Variants in CFD observed in about 807,000 individuals in gnomAD.
The protein encoded by CFD is complement factor D.
In CFD, 24 loss-of-function variants were observed where a neutral mutation model predicts 21.1. That is an observed-to-expected ratio of 1.14 (90% CI 0.82 to 1.60). CFD has a LOEUF of 1.60. Among genes scored for constraint, CFD ranks in the 40% most tolerant of loss-of-function variants. CFD has a pLI of 0.00. For synonymous variants in CFD, 242 were observed against 175.9 expected, an observed-to-expected ratio of 1.38 and a Z score of -2.97; for missense variants, 535 against 383.3, an observed-to-expected ratio of 1.40 and a Z score of -3.31.
intron 3 of CFD, 33 bp from the exon 4 acceptor site, chr19:861,666 C>A (rs2035795692): frequency 6.3e-7 from 1 of 1,577,450 alleles, no homozygotes; most frequent in Non-Finnish European, 8.6e-7. Context: ...CGCACCCCCG[C>A]ACCCCAACCC....
In CFD at chr19:863,103, G is replaced by T; in HGVS notation, c.627G>T (p.Gly209=). The part of the protein sequence containing the change: ...NRRDSCKGDS[G]GPLVCGGVLE... Reference sequence around the variant, plus strand: ...TCCTGTTCCGGCAGGGTGACTCCGGGGGCCCGCTGGTGTGCGGGGGCGTGC... The same window carrying T: ...TCCTGTTCCGGCAGGGTGACTCCGGTGGCCCGCTGGTGTGCGGGGGCGTGC... The change falls in exon 5 of 5, where the codon GGG becomes GGT. Residue 209 remains glycine, a synonymous_variant. Coordinates refer to ENST00000327726, the MANE Select transcript of CFD (RefSeq NM_001928.4). 6.6e-7 allele frequency: 1 copy of T among 1,525,288 alleles called. No individual in the cohort carries two copies. Among genetic ancestry groups the T allele is most frequent in the Non-Finnish European group, 8.8e-7 (1 of 1,138,392 alleles). 94.5% of individuals were successfully genotyped at this position (1,525,288 alleles called of 1,614,324 possible).
At chr19:859,828 C>A in intron 1 of CFD, 84 bp downstream of exon 1, 2 of 1,080,870 alleles carry the variant, frequency 1.9e-6, no homozygotes, top group Admixed American at 2.0e-5. Context: ...GTCCTCCAGC[C>A]CCTCCAGGTG....
In CFD at chr19:862,042, G is replaced by A. The variant is rs552334736; in HGVS notation, c.615+86G>A. The A allele has an allele frequency of 9.0e-5, 133 of 1,485,346 alleles. 2 individuals are homozygous for A. In the South Asian group the frequency reaches 1.4e-3, roughly 16 times the overall value. The allele number at this position is 1,485,346 out of a possible 1,614,324, so 92.0% of individuals were successfully genotyped here. A position where few individuals can be genotyped will look rare whatever the true frequency, so the allele number is the denominator to read the frequency against. ...GGGAGCGCGAAGCGGGGGGCAAGTA[G>A]GAACAGGGCCCAGGGAAGGGGCGGG... On this transcript the variant is annotated intron_variant, in intron 4 of 4. Coordinates refer to ENST00000327726, the MANE Select transcript of CFD (RefSeq NM_001928.4).
Position 859,706 on chromosome 19 carries a change from G to T in CFD, c.17G>T (p.Arg6Leu). ...GGCTTCACCATGCACAGCTGGGAGC[G>T]CCTGGCAGTTCTGGTCCTCCTAGGA... is the stretch of plus-strand genomic sequence containing the variant. MHSWE[R>L]LAVLVLLGAA... The change falls in exon 1 of 5, where the codon CGC (arginine) becomes CTC (leucine). Residue 6 changes from arginine to leucine, a missense_variant. Physicochemically the swap from Arg to Leu is moderately radical, Grantham distance 102. Coordinates refer to ENST00000327726, the MANE Select transcript of CFD (RefSeq NM_001928.4). 1 of 1,573,244 alleles carries T rather than the reference G, an allele frequency of 6.4e-7. No individual in the cohort carries two copies.
intron 4 of CFD, among the ~76,000 whole-genome samples, chr19:862,346 C>T (rs1247461664): frequency 1.7e-4 from 12 of 68,596 alleles, no homozygotes; most frequent in African/African-American, 6.1e-4. Context: ...TGCAAGGGGG[C>T]GAGGCCAGGA....
At position 862,405 on chromosome 19, in the gene CFD, G is replaced by A. The variant is rs1247041540; in HGVS notation, c.615+449G>A. 1.5e-4 allele frequency among the ~76,000 whole-genome samples: 21 copies of A among 137,758 alleles called. No homozygotes were observed. In the South Asian group the frequency reaches 5.2e-3, roughly 34 times the overall value. The allele number at this position is 137,758 out of a possible 152,430, so 90.4% of individuals were successfully genotyped here. On this transcript the variant is annotated intron_variant, in intron 4 of 4. Transcript: ENST00000327726. ...GGGCATGGAGGAAGGGGCGGTACCT[G>A]TGGGGAGGGTGGGGCTGGAGAAGGG...
chr19:861,596 G>T, intron 3 of CFD, 103 bp from the exon 4 acceptor site: 2 of 1,406,494 alleles, frequency 1.4e-6, no homozygotes, highest in Admixed American at 2.0e-5. Flanking sequence ...CCACGCCCCT[G>T]CCCTGATGCC....
At position 861,801 on chromosome 19, in the gene CFD, G is replaced by A. The variant is rs1163434882; in HGVS notation, c.460G>A (p.Gly154Ser). Residue 154 changes from glycine to serine, a missense_variant, in exon 4 of 5, where the codon GGC (glycine) becomes AGC (serine). Transcript: ENST00000327726. ...PGTLCDVAGW[G>S]IVNHAGRRPD... ...AACTCTCTGCGACGTGGCCGGCTGGGGCATAGTCAACCACGCGGGCCGCCG... is the reference window on the plus strand; with the variant it reads ...AACTCTCTGCGACGTGGCCGGCTGGAGCATAGTCAACCACGCGGGCCGCCG... The A allele has an allele frequency of 2.1e-5, 34 of 1,604,498 alleles. No individual in the cohort carries two copies. Among genetic ancestry groups the A allele is most frequent in the Non-Finnish European group, 2.6e-5 (31 of 1,179,182 alleles).
chr19:861,860 G>C lies in CFD; in HGVS notation c.519G>C (p.Val173=), dbSNP rs370580178. 1 of 1,596,304 alleles carries C rather than the reference G, an allele frequency of 6.3e-7. No homozygotes were observed. ...PDSLQHVLLP[V]LDRATCNRRT... ...GCCTGCAGCACGTGCTCTTGCCAGT[G>C]CTGGACCGCGCCACCTGCAACCGGC... Residue 173 remains valine, a synonymous_variant, in exon 4 of 5, where the codon GTG becomes GTC. Coordinates refer to ENST00000327726, the MANE Select transcript of CFD (RefSeq NM_001928.4).
At chr19:861,443 C>A (rs1306592613) in intron 3 of CFD, among the ~76,000 whole-genome samples, 10 of 133,590 alleles carry the variant, frequency 7.5e-5, no homozygotes, top group Admixed American at 7.4e-4. Flanking sequence ...CACTGGGAGC[C>A]CCCCACCCCC....
chr19:860,967 C>A lies in CFD; in HGVS notation c.319C>A (p.Gln107Lys). The A allele has an allele frequency of 6.2e-7, 1 of 1,600,162 alleles. No homozygotes were observed. The highest frequency in any genetic ancestry group is 8.5e-7 in the Non-Finnish European group (1 of 1,179,576). Reference sequence around the variant, plus strand: ...CCGCGCAGTGCCCCACCCGGACAGCCAGCCCGACACCATCGACCACGACCT... The same window carrying A: ...CCGCGCAGTGCCCCACCCGGACAGCAAGCCCGACACCATCGACCACGACCT... ...VLRAVPHPDS[Q>K]PDTIDHDLLL... The change falls in exon 3 of 5, where the codon CAG becomes AAG. Residue 107 changes from glutamine (Q) to lysine (K), a missense_variant. Gln to Lys is a moderately conservative substitution (Grantham distance 53, BLOSUM62 1). Transcript: ENST00000327726.
Position 863,186 on chromosome 19 carries a change from T to G in CFD, c.710T>G (p.Ile237Ser). The part of the protein sequence containing the change: ...RVCGNRKKPG[I>S]YTRVASYAAW... ...TGCGGCAACCGCAAGAAGCCCGGGA[T>G]CTACACCCGCGTGGCGAGCTATGCG... The change falls in exon 5 of 5, where the codon ATC (isoleucine) becomes AGC (serine). Residue 237 changes from isoleucine to serine, a missense_variant. Coordinates refer to ENST00000327726, the MANE Select transcript of CFD (RefSeq NM_001928.4). 1.3e-6 allele frequency: 2 copies of G among 1,538,970 alleles called. No homozygotes were observed. Among genetic ancestry groups the G allele is most frequent in the Non-Finnish European group, 1.7e-6 (2 of 1,148,008 alleles).
intron 1 of CFD, 116 bp from the exon 2 acceptor site, chr19:860,501 C>G: frequency 8.6e-7 from 1 of 1,169,206 alleles, no homozygotes; most frequent in Non-Finnish European, 1.1e-6. Flanking sequence ...CCACCGCGCC[C>G]AGAGATGGGA....
chr19:863,049 G>A (rs2035830411), intron 4 of CFD, 43 bp from the exon 5 acceptor site: 1 of 1,481,058 alleles, frequency 6.8e-7, no homozygotes, highest in Middle Eastern at 2.3e-4. Flanking sequence ...TGAGGCCGGG[G>A]TGGGCGCGGG....
intron 3 of CFD, 141 bp from the exon 4 acceptor site, chr19:861,558 G>T: frequency 1.1e-6 from 1 of 947,592 alleles, no homozygotes; most frequent in Non-Finnish European, 1.6e-6. Flanking sequence ...CCAGGGTCTA[G>T]CCTAAATCTC....
chr19:860,893 C>A lies in CFD; in HGVS notation c.245C>A (p.Ala82Glu). 2 of 1,587,210 alleles carry A rather than the reference C, an allele frequency of 1.3e-6. No homozygotes were observed. Among genetic ancestry groups the A allele is most frequent in the Non-Finnish European group, 1.7e-6 (2 of 1,172,500 alleles). Residue 82 changes from alanine (A) to glutamate (E), a missense_variant, in exon 3 of 5, where the codon GCG (alanine) becomes GAG (glutamate). By Grantham distance (107) the Ala-to-Glu change is moderately radical (BLOSUM62 -1). Coordinates refer to ENST00000327726, the MANE Select transcript of CFD (RefSeq NM_001928.4). ...ADGKVQVLLGAHSLSQPEPSK... is the reference protein window; with the variant it reads ...ADGKVQVLLGEHSLSQPEPSK... ...GGGAAGGTGCAGGTTCTCCTGGGCG[C>A]GCACTCCCTGTCGCAGCCGGAGCCC...
At chr19:859,848 G>C (rs2035760572) in intron 1 of CFD, 104 bp downstream of exon 1, 2 of 823,826 alleles carry the variant, frequency 2.4e-6, no homozygotes, top group Admixed American at 2.1e-5. Flanking sequence ...GGGCAGGAAG[G>C]GGGTGTCTCT....
At position 863,344 on chromosome 19, in the gene CFD, AG is replaced by A; in HGVS notation, c.*107del. ...TCTTTATTGAGCACCTACTATATGC[AG>A]AAGGGGAGGCCGAGGTGGGAGGATC... On this transcript the variant is annotated 3_prime_UTR_variant, in exon 5 of 5. Coordinates refer to ENST00000327726, the MANE Select transcript of CFD (RefSeq NM_001928.4). The A allele has an allele frequency of 7.3e-7, 1 of 1,365,088 alleles. No homozygotes were observed. The highest frequency in any genetic ancestry group is 1.0e-6 in the Non-Finnish European group (1 of 992,152). The allele number at this position is 1,365,088 out of a possible 1,614,324, so 84.6% of individuals were successfully genotyped here. A position where few individuals can be genotyped will look rare whatever the true frequency, so the allele number is the denominator to read the frequency against.
At position 863,471 on chromosome 19, in the gene CFD, G is replaced by C. The variant is rs187211507; in HGVS notation, c.*233G>C. On this transcript the variant is annotated 3_prime_UTR_variant, in exon 5 of 5. Transcript: ENST00000327726. ...CTGGGCAATTGGCGGGCATGGAGGT[G>C]GGTGCTTGTAGTTCCAGCTACTCAG... The C allele has an allele frequency of 0.013, 7,652 of 585,206 alleles. 143 individuals carry two copies. Among genetic ancestry groups the C allele is most frequent in the Non-Finnish European group, 0.014 (4,404 of 324,558 alleles). The allele number at this position is 585,206 out of a possible 1,614,324, so 36.3% of individuals were successfully genotyped here. A position where few individuals can be genotyped will look rare whatever the true frequency, so the allele number is the denominator to read the frequency against.
Sources: gnomAD v4.1 joint callset for allele counts (sites outside exome capture counted in the v4.1 genomes callset) on GRCh38, gnomAD v4.1.1 for gene constraint, MANE v1.5 for transcripts, NCBI Gene and HGNC (gene_info 2026-07-23, HGNC 2026-07-21) for gene names.